PTH2R: variants seen among roughly 807,000 people sequenced by gnomAD.
PTH2R encodes PTH2 receptor.
A neutral mutation model predicts 60.3 loss-of-function variants in PTH2R; 59 were observed. The ratio of observed to expected loss-of-function variants is 0.98; its 90% CI spans 0.79 to 1.22. The LOEUF (loss-of-function observed/expected upper bound fraction) is 1.22, where lower values mean the gene tolerates loss of function less well. Ranked by LOEUF, PTH2R falls within the 50% of genes most tolerant of loss-of-function variation. The pLI is 0.00. For synonymous variants in PTH2R, 256 were observed against 243.8 expected, an observed-to-expected ratio of 1.05 and a Z score of -0.47; for missense variants, 749 against 682.6, an observed-to-expected ratio of 1.10 and a Z score of -1.08.
intron 1 of PTH2R, among the ~76,000 whole-genome samples, chr2:208,398,967 A>G (rs1701259988): frequency 6.6e-6 from 1 of 152,232 alleles, no homozygotes; most frequent in African/African-American, 2.4e-5. Context: ...ATTCTCATGC[A>G]GTAGGATAAG....
intron 9 of PTH2R, among the ~76,000 whole-genome samples, chr2:208,472,593 C>A (rs1160104676): frequency 6.6e-6 from 1 of 152,154 alleles, no homozygotes; most frequent in Non-Finnish European, 1.5e-5. Context: ...TGAGATGTGC[C>A]TTTTACCTTC....
At chr2:208,422,789 A>G (rs1311848678) in intron 1 of PTH2R, among the ~76,000 whole-genome samples, 1 of 152,162 alleles carries the variant, frequency 6.6e-6, no homozygotes, top group East Asian at 1.9e-4. Flanking sequence ...ATCTTATAAA[A>G]CTACAGTAAA....
At chr2:208,468,574 T>C (rs537492502) in intron 9 of PTH2R, among the ~76,000 whole-genome samples, 1 of 152,352 alleles carries the variant, frequency 6.6e-6, no homozygotes, top group African/African-American at 2.4e-5. Flanking sequence ...TGACCTTGTC[T>C]GCCTGTGTTT....
chr2:208,475,409 G>A (rs1702978592), intron 9 of PTH2R, among the ~76,000 whole-genome samples: 4 of 151,768 alleles, frequency 2.6e-5, no homozygotes. Context: ...CCCTTAACTG[G>A]CATTAAAAAA....
At chr2:208,442,625 ATTCAGGG>A (rs1262777932) in intron 5 of PTH2R, among the ~76,000 whole-genome samples, 164 bp downstream of exon 5, 3 of 152,242 alleles carry the variant, frequency 2.0e-5, no homozygotes, top group African/African-American at 7.2e-5. Flanking sequence ...TTCATGACAA[ATTCAGGG>A]TTCTTTGTTT....
chr2:208,407,015 C>G lies in PTH2R; in HGVS notation c.-29C>G. 1.5e-6 allele frequency: 2 copies of G among 1,377,332 alleles called. No homozygotes were observed. Among genetic ancestry groups the G allele is most frequent in the Non-Finnish European group, 1.9e-6 (2 of 1,059,190 alleles). The allele number at this position is 1,377,332 out of a possible 1,614,324, so 85.3% of individuals were successfully genotyped here. A position where few individuals can be genotyped will look rare whatever the true frequency, so the allele number is the denominator to read the frequency against. On this transcript the variant is annotated 5_prime_UTR_variant, in exon 1 of 13. Coordinates refer to ENST00000272847, the MANE Select transcript of PTH2R (RefSeq NM_005048.4). ...CTTCTCCCGGGCTCTGGAGGAGGGT[C>G]CCTGCTTCTTCCTACAGCCGTTCCG...
At chr2:208,395,572 T>A (rs1019445718) in intron 1 of PTH2R, among the ~76,000 whole-genome samples, 2 of 152,146 alleles carry the variant, frequency 1.3e-5, no homozygotes, top group African/African-American at 4.8e-5. Context: ...CAGGATTACT[T>A]TTCTAGGCTC....
Position 208,445,738 on chromosome 2 carries a change from CT to C in PTH2R, c.853+858del, listed in dbSNP as rs373409245. ...TATGCCTTTGCCTATTTTGCCTTAA[CT>C]TTTTTTCTTAACAACTGAAATGTGA... On this transcript the variant is annotated intron_variant, in intron 7 of 12. Coordinates refer to ENST00000272847, the MANE Select transcript of PTH2R (RefSeq NM_005048.4). 2.2e-4 allele frequency among the ~76,000 whole-genome samples: 33 copies of C among 152,200 alleles called. No homozygotes were observed. The East Asian group carries it at 5.6e-3, about 26-fold the overall frequency.
chr2:208,363,486 T>C (rs1022101055), intron 1 of PTH2R, among the ~76,000 whole-genome samples: 1 of 152,250 alleles, frequency 6.6e-6, no homozygotes, highest in African/African-American at 2.4e-5. Context: ...TATGTGTGCA[T>C]GTGTCTTTGT....
intron 5 of PTH2R, among the ~76,000 whole-genome samples, chr2:208,442,724 G>T (rs1702211465): frequency 1.3e-5 from 2 of 152,166 alleles, no homozygotes; most frequent in South Asian, 4.1e-4. Flanking sequence ...AAGTAAGACA[G>T]CATCGAATTG....
At chr2:208,411,451 T>A (rs1281036750) in intron 1 of PTH2R, among the ~76,000 whole-genome samples, 1 of 152,214 alleles carries the variant, frequency 6.6e-6, no homozygotes, top group African/African-American at 2.4e-5. Flanking sequence ...GGTGGCTGCA[T>A]TAATTGTGAG....
At chr2:208,418,234 T>C (rs901889600) in intron 1 of PTH2R, among the ~76,000 whole-genome samples, 2 of 151,432 alleles carry the variant, frequency 1.3e-5, no homozygotes, top group African/African-American at 2.4e-5. Flanking sequence ...GGCTTAAAAA[T>C]ATAAACATTA....
At chr2:208,383,488 G>A (rs1419744600) in intron 1 of PTH2R, among the ~76,000 whole-genome samples, 1 of 152,220 alleles carries the variant, frequency 6.6e-6, no homozygotes, top group Non-Finnish European at 1.5e-5. Context: ...GCAAAAGGCA[G>A]ACATGCTTAA....
At chr2:208,483,820 T>C (rs573163677) in intron 10 of PTH2R, among the ~76,000 whole-genome samples, 1 of 152,222 alleles carries the variant, frequency 6.6e-6, no homozygotes, top group South Asian at 2.1e-4. Context: ...GATAAAAATG[T>C]AGTGAAGAGT....
chr2:208,480,077 A>C (rs1211466533), intron 9 of PTH2R, among the ~76,000 whole-genome samples: 1 of 152,146 alleles, frequency 6.6e-6, no homozygotes, highest in Non-Finnish European at 1.5e-5. Flanking sequence ...GTCGGATAGC[A>C]GTGAGTTTGG....
chr2:208,367,980 C>T (rs1030922131), intron 1 of PTH2R, among the ~76,000 whole-genome samples: 16 of 151,058 alleles, frequency 1.1e-4, no homozygotes, highest in African/African-American at 3.6e-4. Flanking sequence ...CTCAAAAACT[C>T]GTCCCAAAAT....
chr2:208,406,667 G>T (rs909853220), upstream of PTH2R, among the ~76,000 whole-genome samples: 1 of 152,138 alleles, frequency 6.6e-6, no homozygotes, highest in African/African-American at 2.4e-5. Flanking sequence ...CCGCCCCCTG[G>T]GCTGCGGGAC....
intron 8 of PTH2R, among the ~76,000 whole-genome samples, chr2:208,457,564 G>T (rs1489437098): frequency 6.6e-6 from 1 of 152,184 alleles, no homozygotes; most frequent in African/African-American, 2.4e-5. Context: ...TTGCAGAATA[G>T]TGCATACATG....
intron 9 of PTH2R, among the ~76,000 whole-genome samples, chr2:208,469,055 C>T (rs1404580484): frequency 6.6e-6 from 1 of 152,180 alleles, no homozygotes; most frequent in Non-Finnish European, 1.5e-5. Context: ...AAAACTACAG[C>T]TCACGCAGAT....
Sources: gnomAD v4.1 joint callset for allele counts (sites outside exome capture counted in the v4.1 genomes callset) on GRCh38, gnomAD v4.1.1 for gene constraint, MANE v1.5 for transcripts, NCBI Gene and HGNC (gene_info 2026-07-23, HGNC 2026-07-21) for gene names.